CLEC3A: variants seen among roughly 807,000 people sequenced by gnomAD.
The protein encoded by CLEC3A is C-type lectin domain family 3 member A.
Under a neutral mutation model 20.4 loss-of-function variants are expected in CLEC3A, and 28 were observed. The observed-to-expected ratio is 1.37, with a 90% confidence interval of 1.02 to 1.88. The LOEUF is 1.88. Among genes scored for constraint, CLEC3A ranks in the 40% most tolerant of loss-of-function variants. The pLI is 0.00. For synonymous variants in CLEC3A, 110 were observed against 88.1 expected (o/e 1.25, Z -1.39); for missense variants, 357 against 240.4 (o/e 1.48, Z -3.21).
chr16:78,026,125 G>C (rs968506338), intron 1 of CLEC3A, among the ~76,000 whole-genome samples: 1 of 152,164 alleles, frequency 6.6e-6, no homozygotes, highest in African/African-American at 2.4e-5. Flanking sequence ...TTAGGTTATA[G>C]TATTTCTGAG....
In CLEC3A at chr16:78,030,697, C is replaced by T. The variant is rs570590865; in HGVS notation, c.450C>T (p.Ser150=). 6.7e-5 allele frequency: 108 copies of T among 1,614,164 alleles called. No individual in the cohort carries two copies. In the South Asian group the frequency reaches 1.1e-3, roughly 16 times the overall value. ...KFVDVNGIAI[S]FLNWDRAQPN... is the part of the protein sequence containing the mutation. The stretch of plus-strand genomic sequence containing the variant: ...TTGACGTCAACGGAATCGCTATCTC[C>T]TTCCTCAACTGGGACCGTGCACAGC... Residue 150 remains serine, a synonymous_variant, in exon 3 of 3, where the codon TCC becomes TCT. Coordinates refer to ENST00000299642, the MANE Select transcript of CLEC3A (RefSeq NM_005752.6).
rs1228100228 is a variant in CLEC3A, at chr16:78,030,762, A to C, written c.515A>C (p.Gln172Pro). ...GKRENCVLFSQSAQGKWSDEA... is the reference protein window; with the variant it reads ...GKRENCVLFSPSAQGKWSDEA... ...CGAGAAAACTGTGTCCTGTTCTCCC[A>C]ATCAGCTCAGGGCAAGTGGAGTGAT... The change falls in exon 3 of 3, where the codon CAA becomes CCA. Residue 172 changes from glutamine to proline, a missense_variant. Physicochemically the swap from Gln to Pro is moderately conservative, Grantham distance 76. Transcript: ENST00000299642. 6.8e-6 allele frequency: 11 copies of C among 1,614,028 alleles called. No individual in the cohort carries two copies. The highest frequency in any genetic ancestry group is 1.1e-5 in the South Asian group (1 of 91,076).
chr16:78,030,620 G>A lies in CLEC3A; in HGVS notation c.373G>A (p.Val125Ile), dbSNP rs1417819305. Residue 125 changes from valine (V) to isoleucine (I), a missense_variant, in exon 3 of 3, where the codon GTC becomes ATC. Transcript: ENST00000299642. ...CTATGGTAAAAGGAGCCTGCCAGGTGTCAATGACTTTTGGCTGGGCATCAA... is the reference window on the plus strand; with the variant it reads ...CTATGGTAAAAGGAGCCTGCCAGGTATCAATGACTTTTGGCTGGGCATCAA... The part of the protein sequence containing the change: ...QDYGKRSLPG[V>I]NDFWLGINDM... The A allele has an allele frequency of 8.1e-6, 13 of 1,614,000 alleles. No homozygotes were observed. Among genetic ancestry groups the A allele is most frequent in the Non-Finnish European group, 1.0e-5 (12 of 1,180,024 alleles).
At position 78,026,390 on chromosome 16, in the gene CLEC3A, A is replaced by C. The variant is rs919105414; in HGVS notation, c.116-1717A>C. Among the ~76,000 whole-genome samples, 5 of 152,310 alleles carry C rather than the reference A, an allele frequency of 3.3e-5. No individual in the cohort carries two copies. In the East Asian group the frequency reaches 7.7e-4, roughly 24 times the overall value. On this transcript the variant is annotated intron_variant, in intron 1 of 2. Coordinates refer to ENST00000299642, the MANE Select transcript of CLEC3A (RefSeq NM_005752.6). ...CTGGGAACAGTTCATACCAAGCTTT[A>C]AGTATCTTCTCTGTCTGGGGCCATG...
rs1239143833 is a variant in CLEC3A, at chr16:78,031,785, T to C, written c.*944T>C. ...ATCTTTGGAAGCTGAAAACTGAATT[T>C]AAAGAATGCTATCTTGGAAAATTGC... On this transcript the variant is annotated 3_prime_UTR_variant, in exon 3 of 3. Coordinates refer to ENST00000299642, the MANE Select transcript of CLEC3A (RefSeq NM_005752.6). 1 of 152,174 alleles carries C rather than the reference T, an allele frequency of 6.6e-6. No homozygotes were observed. The highest frequency in any genetic ancestry group is 1.5e-5 in the Non-Finnish European group (1 of 68,040). 9.4% of individuals were successfully genotyped at this position (152,174 alleles called of 1,614,324 possible). A position where few individuals can be genotyped will look rare whatever the true frequency, so the allele number is the denominator to read the frequency against.
At chr16:78,027,525 CAGA>C (rs2029962311) in intron 1 of CLEC3A, among the ~76,000 whole-genome samples, 1 of 152,196 alleles carries the variant, frequency 6.6e-6, no homozygotes, top group Non-Finnish European at 1.5e-5. Flanking sequence ...ACTGGAGAGA[CAGA>C]AGGAGCCTCA....
intron 2 of CLEC3A, among the ~76,000 whole-genome samples, chr16:78,029,481 G>A (rs1208438489): frequency 2.0e-5 from 3 of 152,026 alleles, no homozygotes; most frequent in African/African-American, 4.8e-5. Flanking sequence ...CGATTCTCCT[G>A]CTTCAGCCTC....
chr16:78,030,841 G>A lies in CLEC3A; in HGVS notation c.594G>A (p.Ter198=), dbSNP rs146512216. The A allele has an allele frequency of 4.9e-5, 78 of 1,606,406 alleles. No individual in the cohort carries two copies. In the African/African-American group the frequency reaches 7.2e-4, roughly 15 times the overall value. Residue 198 remains the stop codon, a stop_retained_variant, in exon 3 of 3, where the codon TAG becomes TAA. Transcript: ENST00000299642. ...TATGCGAGTTCACCATCCCTCAATA[G>A]GTCTTTCTCCAATGTGTCCTCCAAG... The part of the protein sequence containing the change: ...RYICEFTIPQ[*]
At chr16:78,028,537 G>A (rs1252318997) in intron 2 of CLEC3A, among the ~76,000 whole-genome samples, 1 of 152,230 alleles carries the variant, frequency 6.6e-6, no homozygotes, top group African/African-American at 2.4e-5. Context: ...CAGGCCACCA[G>A]GACTCTCTCG....
intron 1 of CLEC3A, among the ~76,000 whole-genome samples, chr16:78,026,414 T>C (rs751125115): frequency 3.3e-5 from 5 of 152,168 alleles, no homozygotes; most frequent in South Asian, 2.1e-4. Flanking sequence ...TCTGGGGCCA[T>C]GTGCTCGGGA....
intron 1 of CLEC3A, among the ~76,000 whole-genome samples, chr16:78,026,229 C>A (rs2029918976): frequency 6.6e-6 from 1 of 152,122 alleles, no homozygotes; most frequent in Non-Finnish European, 1.5e-5. Flanking sequence ...AGCTTCCTAA[C>A]CCAAATGAGG....
chr16:78,025,265 T>C (rs2018797418), intron 1 of CLEC3A, among the ~76,000 whole-genome samples: 2 of 152,252 alleles, frequency 1.3e-5, no homozygotes, highest in African/African-American at 4.8e-5. Context: ...TTTTAACAGC[T>C]GCATAATATT....
rs1303712712 is a variant in CLEC3A, at chr16:78,031,754, C to G, written c.*913C>G. The stretch of plus-strand genomic sequence containing the variant: ...ATTATATGTTTAAGTCTATTATGGG[C>G]AACCAATCTTTGGAAGCTGAAAACT... On this transcript the variant is annotated 3_prime_UTR_variant, in exon 3 of 3. Coordinates refer to ENST00000299642, the MANE Select transcript of CLEC3A (RefSeq NM_005752.6). 6.6e-6 allele frequency: 1 copy of G among 151,998 alleles called. No homozygotes were observed. Among genetic ancestry groups the G allele is most frequent in the Non-Finnish European group, 1.5e-5 (1 of 68,030 alleles). 9.4% of individuals were successfully genotyped at this position (151,998 alleles called of 1,614,324 possible). A position where few individuals can be genotyped will look rare whatever the true frequency, so the allele number is the denominator to read the frequency against.
In CLEC3A at chr16:78,022,553, G is replaced by C. The variant is rs774934400; in HGVS notation, c.-74G>C. The stretch of plus-strand genomic sequence containing the variant: ...AGCCCCAGGCATCCCAGAGCAAGAT[G>C]TAGCTGTGTAGTCTCCTTCCATAGC... On this transcript the variant is annotated 5_prime_UTR_variant, in exon 1 of 3. An upstream start codon of the reference 5' UTR is lost. Coordinates refer to ENST00000299642, the MANE Select transcript of CLEC3A (RefSeq NM_005752.6). The C allele has an allele frequency of 6.4e-7, 1 of 1,566,952 alleles. No homozygotes were observed. The highest frequency in any genetic ancestry group is 2.3e-5 in the East Asian group (1 of 42,572).
At chr16:78,026,601 T>C (rs1220137878) in intron 1 of CLEC3A, among the ~76,000 whole-genome samples, 2 of 152,216 alleles carry the variant, frequency 1.3e-5, no homozygotes, top group African/African-American at 4.8e-5. Flanking sequence ...AATGATTGTG[T>C]CTCTCTCAAA....
At position 78,031,266 on chromosome 16, in the gene CLEC3A, G is replaced by T; in HGVS notation, c.*425G>T. ...AAAATTCCCTACATCAGAGACTCTA[G>T]GTGCTATATAATCCAAAAACTTTTC... On this transcript the variant is annotated 3_prime_UTR_variant, in exon 3 of 3. Transcript: ENST00000299642. 6.3e-6 allele frequency: 1 copy of T among 158,508 alleles called. No homozygotes were observed. The highest frequency in any genetic ancestry group is 6.2e-5 in the Admixed American group (1 of 16,074). 9.8% of individuals were successfully genotyped at this position (158,508 alleles called of 1,614,324 possible).
rs777020989 is a variant in CLEC3A at position 78,030,855 on chromosome 16, G to C, written c.*14G>C. 4.1e-5 allele frequency: 65 copies of C among 1,594,668 alleles called. No individual in the cohort carries two copies. In the East Asian group the frequency reaches 1.3e-3, roughly 32 times the overall value. On this transcript the variant is annotated 3_prime_UTR_variant, in exon 3 of 3. Coordinates refer to ENST00000299642, the MANE Select transcript of CLEC3A (RefSeq NM_005752.6). ...ATCCCTCAATAGGTCTTTCTCCAATGTGTCCTCCAAGCAAGATTCATCATA... is the reference window on the plus strand; with the variant it reads ...ATCCCTCAATAGGTCTTTCTCCAATCTGTCCTCCAAGCAAGATTCATCATA...
chr16:78,030,633 G>T lies in CLEC3A; in HGVS notation c.386G>T (p.Trp129Leu). 7 of 1,614,088 alleles carry T rather than the reference G, an allele frequency of 4.3e-6. No homozygotes were observed. Among genetic ancestry groups the T allele is most frequent in the Non-Finnish European group, 5.9e-6 (7 of 1,180,010 alleles). The change falls in exon 3 of 3, where the codon TGG becomes TTG. Residue 129 changes from tryptophan (W) to leucine (L), a missense_variant. Trp to Leu is a moderately conservative substitution (Grantham distance 61, BLOSUM62 -2). Transcript: ENST00000299642. ...AGCCTGCCAGGTGTCAATGACTTTT[G>T]GCTGGGCATCAATGACATGGTCACG... ...KRSLPGVNDF[W>L]LGINDMVTEG...
chr16:78,028,118 G>T lies in CLEC3A; in HGVS notation c.127G>T (p.Asp43Tyr), dbSNP rs906758597. Residue 43 changes from aspartate (D) to tyrosine (Y), a missense_variant, in exon 2 of 3, where the codon GAT becomes TAT. Asp to Tyr is a radical substitution (Grantham distance 160). Coordinates refer to ENST00000299642, the MANE Select transcript of CLEC3A (RefSeq NM_005752.6). ...SKRRVRDKDG[D>Y]LKTQIEKLWT... ...AAAATTTTCCCCAGACAAGGATGGA[G>T]ATCTGAAGACTCAAATTGAAAAGCT... 1 of 1,609,580 alleles carries T rather than the reference G, an allele frequency of 6.2e-7. No homozygotes were observed. Among genetic ancestry groups the T allele is most frequent in the South Asian group, 1.1e-5 (1 of 89,994 alleles).
Sources: allele counts gnomAD v4.1 joint callset (sites outside exome capture counted in the v4.1 genomes callset), GRCh38; gene constraint gnomAD v4.1.1; transcripts MANE v1.5; gene names NCBI Gene and HGNC (gene_info 2026-07-23, HGNC 2026-07-21).